LMAN1L: variants seen among roughly 807,000 people sequenced by gnomAD.
The protein encoded by LMAN1L is lectin, mannose binding 1 like, also known as protein ERGIC-53-like.
A neutral mutation model predicts 58.3 loss-of-function variants in LMAN1L; 60 were observed. The ratio of observed to expected loss-of-function variants is 1.03; its 90% CI spans 0.84 to 1.27. The LOEUF is 1.27. Among genes scored for constraint, LMAN1L ranks in the 50% most tolerant of loss-of-function variants. The pLI is 0.00. For missense variants in LMAN1L, 629 were observed against 674.0 expected (o/e 0.93, Z 0.74); for synonymous variants, 280 against 271.6 (o/e 1.03, Z -0.31).
chr15:74,819,257 A>G lies in LMAN1L; in HGVS notation c.703A>G (p.Thr235Ala), dbSNP rs753629871. Residue 235 changes from threonine to alanine, a missense_variant, in exon 6 of 14, where the codon ACC becomes GCC. Transcript: ENST00000309664. The part of the protein sequence containing the change: ...PGGFFGVSAA[T>A]GTLADDHDVL... Reference sequence around the variant, plus strand: ...AGGTTTCTTTGGGGTCTCAGCAGCCACCGGCACCCTGGCAGGTGAGGATCC... The same window carrying G: ...AGGTTTCTTTGGGGTCTCAGCAGCCGCCGGCACCCTGGCAGGTGAGGATCC... 1 of 1,614,146 alleles carries G rather than the reference A, an allele frequency of 6.2e-7. No homozygotes were observed. The highest frequency in any genetic ancestry group is 8.5e-7 in the Non-Finnish European group (1 of 1,180,002).
chr15:74,815,378 C>T (rs1420494091), intron 1 of LMAN1L, among the ~76,000 whole-genome samples: 1 of 152,196 alleles, frequency 6.6e-6, no homozygotes, highest in African/African-American at 2.4e-5. Flanking sequence ...GGGGAGCGAG[C>T]TCGAGTAGGG....
At position 74,825,629 on chromosome 15, in the gene LMAN1L, T is replaced by C. The variant is rs763734997; in HGVS notation, c.*24T>C. 1.3e-6 allele frequency: 2 copies of C among 1,598,602 alleles called. No individual in the cohort carries two copies. The highest frequency in any genetic ancestry group is 2.2e-5 in the South Asian group (2 of 90,712). ...GACCCACCTCAGAGCCTGCTTTGCATCACTGGGAAGCAGGCAGTGTCTTGG... is the reference window on the plus strand; with the variant it reads ...GACCCACCTCAGAGCCTGCTTTGCACCACTGGGAAGCAGGCAGTGTCTTGG... On this transcript the variant is annotated 3_prime_UTR_variant, in exon 14 of 14. Transcript: ENST00000309664.
Position 74,820,119 on chromosome 15 carries a change from A to T in LMAN1L, c.774+20A>T. ...CCAGAGGTGATGCCAGCCCTGGCCT[A>T]CCTGGGAATGGCAGCCCAGGGACCC... is the stretch of plus-strand genomic sequence containing the variant. On this transcript the variant is annotated intron_variant, in intron 7 of 13. Transcript: ENST00000309664. The T allele has an allele frequency of 6.2e-7, 1 of 1,609,262 alleles. No individual in the cohort carries two copies. Among genetic ancestry groups the T allele is most frequent in the Non-Finnish European group, 8.5e-7 (1 of 1,175,652 alleles).
At chr15:74,823,028 T>C (rs932428136) in intron 11 of LMAN1L, among the ~76,000 whole-genome samples, 4 of 152,222 alleles carry the variant, frequency 2.6e-5, no homozygotes, top group Non-Finnish European at 5.9e-5. Flanking sequence ...GGGCATTTTG[T>C]TGGGGGCTCT....
At position 74,814,372 on chromosome 15, in the gene LMAN1L, G is replaced by GTTTTTTTTTT. The variant is rs1331712044; in HGVS notation, c.175+1348_175+1349insTTTTTTTTTT. ...CCACACGCAGCTAATTTTTGTTTTT[G>GTTTTTTTTTT]TTTTTGTTTTTTTTTTTTTGAGACG... On this transcript the variant is annotated intron_variant, in intron 1 of 13. Transcript: ENST00000309664. Among the ~76,000 whole-genome samples, 7 of 109,434 alleles carry GTTTTTTTTTT rather than the reference G, an allele frequency of 6.4e-5. 2 individuals are homozygous for GTTTTTTTTTT. Among genetic ancestry groups the GTTTTTTTTTT allele is most frequent in the Non-Finnish European group, 7.4e-5 (4 of 54,292 alleles). 71.8% of individuals were successfully genotyped at this position (109,434 alleles called of 152,430 possible).
chr15:74,819,240 T>C lies in LMAN1L; in HGVS notation c.686T>C (p.Phe229Ser). 3 of 1,614,126 alleles carry C rather than the reference T, an allele frequency of 1.9e-6. No individual in the cohort carries two copies. Among genetic ancestry groups the C allele is most frequent in the East Asian group, 2.2e-5 (1 of 44,870 alleles). Residue 229 changes from phenylalanine to serine, a missense_variant, in exon 6 of 14, where the codon TTT becomes TCT. By Grantham distance (155) the Phe-to-Ser change is radical. Around this residue, in one of 3 missense-constraint regions of LMAN1L, gnomAD observed 573 missense variants for 597.3 expected, o/e 0.96. Coordinates refer to ENST00000309664, the MANE Select transcript of LMAN1L (RefSeq NM_021819.3). ...GPLLLVPGGF[F>S]GVSAATGTLA... ...CTGCTTTTGGTCCCTGGAGGTTTCT[T>C]TGGGGTCTCAGCAGCCACCGGCACC...
intron 10 of LMAN1L, among the ~76,000 whole-genome samples, chr15:74,822,252 G>A (rs1034203563): frequency 6.6e-6 from 1 of 152,208 alleles, no homozygotes; most frequent in Non-Finnish European, 1.5e-5. Context: ...TGTAGTCCCA[G>A]CTACTTGGGA....
chr15:74,821,890 C>G lies in LMAN1L; in HGVS notation c.1121C>G (p.Ser374Ter), dbSNP rs936974004. Residue 374 changes from serine (S) to a stop codon, truncating the protein, a stop_gained, in exon 10 of 14, where the codon TCA becomes TGA. Coordinates refer to ENST00000309664, the MANE Select transcript of LMAN1L (RefSeq NM_021819.3). LOFTEE classifies it high-confidence loss of function. ...TPGRGGHLSM[S>*]LNKDSAKVGA... ...GGGAGGGGTGGCCACCTCTCCATGT[C>G]ACTCAATAAGGTAGGGACCCAAACA... The G allele has an allele frequency of 6.2e-7, 1 of 1,608,736 alleles. No homozygotes were observed. Among genetic ancestry groups the G allele is most frequent in the Non-Finnish European group, 8.5e-7 (1 of 1,175,264 alleles).
At chr15:74,821,317 G>A (rs1237337665) in intron 9 of LMAN1L, 91 bp downstream of exon 9, 3 of 1,399,958 alleles carry the variant, frequency 2.1e-6, no homozygotes, top group East Asian at 2.5e-5. Context: ...CCTAAGGCCT[G>A]GAGGGAAAGG....
rs1307640579 is a variant in LMAN1L, at chr15:74,816,159, G to A, written c.178G>A (p.Ala60Thr). 7 of 1,547,706 alleles carry A rather than the reference G, an allele frequency of 4.5e-6. No individual in the cohort carries two copies. The highest frequency in any genetic ancestry group is 2.4e-5 in the East Asian group (1 of 40,966). ...GCTTGAGCTGCCCTTGTCCACAGAC[G>A]CCATCCTGGGCCTGGAGGAAGTGCG... ...GIPFWSHHGDAILGLEEVRLT... is the reference protein window; with the variant it reads ...GIPFWSHHGDTILGLEEVRLT... Residue 60 changes from alanine to threonine, a missense_variant and splice_region_variant, in exon 2 of 14, where the codon GCC (alanine) becomes ACC (threonine). Physicochemically the swap from Ala to Thr is moderately conservative, Grantham distance 58 (BLOSUM62 0). Transcript: ENST00000309664.
chr15:74,824,299 C>G (rs2063930954), intron 12 of LMAN1L, 52 bp from the exon 13 acceptor site: 1 of 1,573,892 alleles, frequency 6.4e-7, no homozygotes, highest in Non-Finnish European at 8.7e-7. Flanking sequence ...CCAGGTCCCC[C>G]ACTCCTTCTG....
At chr15:74,813,230 C>T (rs914776668) in intron 1 of LMAN1L, 1 of 666,508 alleles carries the variant, frequency 1.5e-6, no homozygotes. Flanking sequence ...CCTGCCCAAG[C>T]TGTTTCTCCT....
Position 74,813,235 on chromosome 15 carries a change from T to G in LMAN1L, c.175+206T>G, listed in dbSNP as rs947627664. Reference sequence around the variant, plus strand: ...ACCCCCCACCCCTGCCCAAGCTGTTTCTCCTCTGCCTCTCTGCTTCCCTGC... The same window carrying G: ...ACCCCCCACCCCTGCCCAAGCTGTTGCTCCTCTGCCTCTCTGCTTCCCTGC... On this transcript the variant is annotated intron_variant, in intron 1 of 13. Transcript: ENST00000309664. 6.2e-5 allele frequency: 41 copies of G among 666,016 alleles called. No individual in the cohort carries two copies. In the East Asian group the frequency reaches 1.1e-3, roughly 18 times the overall value. 41.3% of individuals were successfully genotyped at this position (666,016 alleles called of 1,614,324 possible).
Position 74,816,477 on chromosome 15 carries a change from G to C in LMAN1L, c.381G>C (p.Gly127=), listed in dbSNP as rs747876367. The change falls in exon 3 of 14, where the codon GGG becomes GGC. Residue 127 remains glycine (G), a synonymous_variant. Coordinates refer to ENST00000309664, the MANE Select transcript of LMAN1L (RefSeq NM_021819.3). ...GCCATGTAGGCTCTGTCCTTGGGGG[G>C]CTGGCTTCGTGGGACGGCATCGGGA... ...GRGHVGSVLG[G]LASWDGIGIF... is the part of the protein sequence containing the mutation. 1 of 1,550,772 alleles carries C rather than the reference G, an allele frequency of 6.4e-7. No homozygotes were observed. The highest frequency in any genetic ancestry group is 1.2e-5 in the South Asian group (1 of 81,172).
chr15:74,820,546 T>G, intron 7 of LMAN1L, 89 bp from the exon 8 acceptor site: 1 of 1,557,188 alleles, frequency 6.4e-7, no homozygotes, highest in Non-Finnish European at 8.8e-7. Flanking sequence ...GGAGGAAGGC[T>G]GGGCTCGTGG....
rs148169854 is a variant in LMAN1L at position 74,820,633 on chromosome 15, A to G, written c.775-2A>G. The G allele has an allele frequency of 2.9e-3, 4,755 of 1,613,702 alleles. 6 individuals carry two copies. Among genetic ancestry groups the G allele is most frequent in the Non-Finnish European group, 3.8e-3 (4,455 of 1,179,944 alleles). Reference sequence around the variant, plus strand: ...GCCCGACTTTCTGTCTTCCTCCCCTAGGTTCCCCCTCAGCCCTTCCTGGAG... The same window carrying G: ...GCCCGACTTTCTGTCTTCCTCCCCTGGGTTCCCCCTCAGCCCTTCCTGGAG... On this transcript the variant is annotated splice_acceptor_variant, in intron 7 of 13. Coordinates refer to ENST00000309664, the MANE Select transcript of LMAN1L (RefSeq NM_021819.3). LOFTEE classifies it high-confidence loss of function.
At chr15:74,824,177 C>T in intron 12 of LMAN1L, 174 bp from the exon 13 acceptor site, 1 of 661,490 alleles carries the variant, frequency 1.5e-6, no homozygotes, top group South Asian at 1.9e-5. Flanking sequence ...GCCATGGGAG[C>T]TGGGGTGGGG....
In LMAN1L at chr15:74,821,067, A is replaced by C. The variant is rs908168410; in HGVS notation, c.908-8A>C. ...GGCTGCCCATCCCAGCTCTGCCCTA[A>C]TCCCCAGGGGAAAGGCTCTTTGACC... is the stretch of plus-strand genomic sequence containing the variant. On this transcript the variant is annotated splice_polypyrimidine_tract_variant and splice_region_variant and intron_variant, in intron 8 of 13. Transcript: ENST00000309664. The C allele has an allele frequency of 1.3e-6, 2 of 1,572,814 alleles. No individual in the cohort carries two copies.
intron 12 of LMAN1L, chr15:74,824,093 C>A (rs2063930026): frequency 3.8e-6 from 2 of 532,602 alleles, no homozygotes; most frequent in African/African-American, 3.8e-5. Flanking sequence ...TTACTTCTCT[C>A]TTCTCTTCTC....
Sources: allele counts gnomAD v4.1 joint callset (sites outside exome capture counted in the v4.1 genomes callset), GRCh38; gene constraint gnomAD v4.1.1; regional missense constraint gnomAD v4.1.1; transcripts MANE v1.5; gene names NCBI Gene and HGNC (gene_info 2026-07-23, HGNC 2026-07-21).